CTNNA3: variants seen among roughly 807,000 people sequenced by gnomAD.
CTNNA3 encodes the protein catenin alpha-3.
In CTNNA3, 76 loss-of-function variants were observed where a neutral mutation model predicts 95.7. The observed-to-expected ratio is 0.79, with a 90% CI of 0.66 to 0.96. CTNNA3 has a LOEUF of 0.96. Ranked by LOEUF, CTNNA3 falls within the 40% of genes least tolerant of loss-of-function variation. CTNNA3 has a pLI of 0.00. For missense variants in CTNNA3, 1,191 were observed against 1,089.8 expected (o/e 1.09, Z -1.31); for synonymous variants, 431 against 374.4 (o/e 1.15, Z -1.74).
At chr10:66,713,211 C>A (rs1283480357) in intron 9 of CTNNA3, among the ~76,000 whole-genome samples, 1 of 152,062 alleles carries the variant, frequency 6.6e-6, no homozygotes, top group Non-Finnish European at 1.5e-5. Context: ...GAAATGAGTT[C>A]CAAAATCTTT....
intron 7 of CTNNA3, among the ~76,000 whole-genome samples, chr10:66,979,137 T>C (rs1310485189): frequency 6.6e-6 from 1 of 151,834 alleles, no homozygotes; most frequent in Non-Finnish European, 1.5e-5. Context: ...GCTAATTTAA[T>C]TTTTGTTTTT....
At chr10:66,522,695 A>G (rs192734057) in intron 10 of CTNNA3, among the ~76,000 whole-genome samples, 181 of 151,912 alleles carry the variant, frequency 1.2e-3, no homozygotes, top group African/African-American at 4.3e-3. Context: ...TAGCAGCATT[A>G]GAACAGACTA....
intron 13 of CTNNA3, among the ~76,000 whole-genome samples, chr10:66,151,036 CTT>C (rs939936432): frequency 1.3e-5 from 2 of 151,850 alleles, no homozygotes; most frequent in African/African-American, 4.8e-5. Context: ...ATTTAATAAA[CTT>C]TTAAAATGCA....
intron 6 of CTNNA3, among the ~76,000 whole-genome samples, chr10:67,197,273 C>T (rs565686695): frequency 3.3e-5 from 5 of 151,948 alleles, no homozygotes; most frequent in African/African-American, 9.6e-5. Context: ...AACAATTCAT[C>T]GACAAAGAAG....
intron 3 of CTNNA3, among the ~76,000 whole-genome samples, chr10:67,571,972 C>A (rs1166643399): frequency 6.6e-6 from 1 of 152,078 alleles, no homozygotes; most frequent in Non-Finnish European, 1.5e-5. Context: ...AAATACAGAT[C>A]AAGTATTTCT....
chr10:66,441,012 C>T (rs1209270081), intron 11 of CTNNA3, among the ~76,000 whole-genome samples: 4 of 151,918 alleles, frequency 2.6e-5, no homozygotes, highest in Non-Finnish European at 5.9e-5. Context: ...TCTCTGGCAC[C>T]AAGCCAGGCA....
chr10:66,157,739 C>T (rs559847605), intron 13 of CTNNA3, among the ~76,000 whole-genome samples: 11 of 152,114 alleles, frequency 7.2e-5, no homozygotes, highest in South Asian at 4.1e-4. Context: ...TTTAAGGAAT[C>T]GCCACACTGT....
chr10:67,712,320 G>A (rs1841115985), intron 1 of CTNNA3, among the ~76,000 whole-genome samples: 2 of 152,220 alleles, frequency 1.3e-5, no homozygotes, highest in Admixed American at 6.5e-5. Flanking sequence ...ATCCAAGCTG[G>A]CTGCAGAAAT....
chr10:67,482,690 G>T (rs1372751170), intron 5 of CTNNA3, among the ~76,000 whole-genome samples: 2 of 152,154 alleles, frequency 1.3e-5, no homozygotes, highest in East Asian at 3.9e-4. Flanking sequence ...CATGTCATCT[G>T]CAAACAGGGA....
intron 1 of CTNNA3, among the ~76,000 whole-genome samples, chr10:67,649,685 A>G (rs1839822513): frequency 1.3e-5 from 2 of 152,212 alleles, no homozygotes; most frequent in Admixed American, 1.3e-4. Flanking sequence ...ATTGGAAATT[A>G]GGGCTATCAT....
chr10:67,538,157 T>TAAAAAA (rs1176919938), intron 4 of CTNNA3, among the ~76,000 whole-genome samples: 1,888 of 57,464 alleles, frequency 0.033, 158 homozygotes, highest in African/African-American at 0.12. Context: ...CTACTTAAAC[T>TAAAAAA]AAAAAAAAAA....
At chr10:67,470,616 G>T (rs1012372382) in intron 5 of CTNNA3, among the ~76,000 whole-genome samples, 3 of 151,602 alleles carry the variant, frequency 2.0e-5, no homozygotes, top group African/African-American at 4.9e-5. Flanking sequence ...CAACAGACTA[G>T]AATTTGTGTT....
chr10:66,454,495 A>G (rs554706407), intron 11 of CTNNA3, among the ~76,000 whole-genome samples: 2 of 152,268 alleles, frequency 1.3e-5, no homozygotes, highest in South Asian at 2.1e-4. Context: ...AATAAAAAGA[A>G]CCAAACACTT....
intron 6 of CTNNA3, among the ~76,000 whole-genome samples, chr10:67,204,119 G>C (rs1379514316): frequency 6.6e-6 from 1 of 151,062 alleles, no homozygotes; most frequent in East Asian, 1.9e-4. Context: ...AAATCTCTTA[G>C]ACCTAAAAGT....
intron 5 of CTNNA3, among the ~76,000 whole-genome samples, chr10:67,314,566 C>A (rs988450305): frequency 1.3e-5 from 2 of 152,068 alleles, no homozygotes; most frequent in African/African-American, 4.8e-5. Context: ...TATTCCCCAA[C>A]CTGCTCTGAA....
chr10:67,366,168 G>A (rs942655657), intron 5 of CTNNA3, among the ~76,000 whole-genome samples: 1 of 152,036 alleles, frequency 6.6e-6, no homozygotes, highest in Non-Finnish European at 1.5e-5. Flanking sequence ...AGAACACATG[G>A]ACACAAGGCA....
At chr10:66,172,013 A>C (rs2085457117) in intron 13 of CTNNA3, among the ~76,000 whole-genome samples, 1 of 152,178 alleles carries the variant, frequency 6.6e-6, no homozygotes, top group Non-Finnish European at 1.5e-5. Flanking sequence ...GGTGGCAAAG[A>C]GCAAGTATGC....
At chr10:66,574,507 T>G (rs1278351910) in intron 10 of CTNNA3, among the ~76,000 whole-genome samples, 1 of 152,152 alleles carries the variant, frequency 6.6e-6, no homozygotes, top group Non-Finnish European at 1.5e-5. Flanking sequence ...ATAACGTTCT[T>G]TACATGTGAA....
intron 11 of CTNNA3, among the ~76,000 whole-genome samples, chr10:66,498,044 TG>T (rs1356676615): frequency 2.0e-5 from 3 of 152,104 alleles, no homozygotes; most frequent in Admixed American, 6.5e-5. Flanking sequence ...AAAATGTCAC[TG>T]AGATTTTTTT....
Sources: allele counts gnomAD v4.1 joint callset (sites outside exome capture counted in the v4.1 genomes callset), GRCh38; gene constraint gnomAD v4.1.1; transcripts MANE v1.5; gene names NCBI Gene and HGNC (gene_info 2026-07-23, HGNC 2026-07-21).